IFTAP: variants seen among roughly 807,000 people sequenced by gnomAD.
The protein encoded by IFTAP is intraflagellar transport-associated protein.
In IFTAP, 19 loss-of-function variants were observed where a neutral mutation model predicts 19.4. The ratio of observed to expected loss-of-function variants is 0.98; its 90% CI spans 0.68 to 1.44. The LOEUF is 1.44. Among genes scored for constraint, IFTAP ranks in the 40% most tolerant of loss-of-function variants. The probability of loss-of-function intolerance (pLI) is 0.00; values close to 1 mark genes in which losing one functional copy is unlikely to be tolerated. For synonymous variants in IFTAP, 85 were observed against 83.5 expected (o/e 1.02, Z -0.10); for missense variants, 240 against 253.6 (o/e 0.95, Z 0.36).
intron 4 of IFTAP, among the ~76,000 whole-genome samples, chr11:36,645,399 G>A (rs975719106): frequency 6.6e-6 from 1 of 152,092 alleles, no homozygotes; most frequent in African/African-American, 2.4e-5. Flanking sequence ...AAGTGGCCCT[G>A]ATTCTATGAT....
chr11:36,600,119 G>C (rs1851451799), intron 1 of IFTAP, among the ~76,000 whole-genome samples: 2 of 152,198 alleles, frequency 1.3e-5, no homozygotes, highest in African/African-American at 4.8e-5. Flanking sequence ...GAGAGCATTA[G>C]ACTTACAGTG....
intron 5 of IFTAP, among the ~76,000 whole-genome samples, chr11:36,655,836 A>AT (rs1853960995): frequency 6.6e-6 from 1 of 152,188 alleles, no homozygotes; most frequent in Non-Finnish European, 1.5e-5. Context: ...AGGATATTAT[A>AT]AATGAATAAT....
At chr11:36,595,718 G>A (rs146084584) in intron 1 of IFTAP, among the ~76,000 whole-genome samples, 1,860 of 152,282 alleles carry the variant, frequency 0.012, 23 homozygotes, top group East Asian at 0.031. Flanking sequence ...TTGAATATAC[G>A]TAAAGTACTT....
At chr11:36,619,744 G>A (rs772395671) in intron 2 of IFTAP, among the ~76,000 whole-genome samples, 32 of 151,960 alleles carry the variant, frequency 2.1e-4, no homozygotes, top group Admixed American at 1.2e-3. Context: ...TTTCAGTGCC[G>A]TTGTTATCAG....
At chr11:36,612,006 T>A (rs1263045779) in intron 2 of IFTAP, among the ~76,000 whole-genome samples, 1 of 152,120 alleles carries the variant, frequency 6.6e-6, no homozygotes. Flanking sequence ...TCACATTATT[T>A]TGGAAATCAT....
At chr11:36,612,412 C>G (rs527885456) in intron 2 of IFTAP, among the ~76,000 whole-genome samples, 1 of 151,656 alleles carries the variant, frequency 6.6e-6, no homozygotes, top group Non-Finnish European at 1.5e-5. Flanking sequence ...TCCTTTTTTC[C>G]CTTTAAACAT....
intron 4 of IFTAP, among the ~76,000 whole-genome samples, chr11:36,644,524 G>A (rs1308451618): frequency 1.1e-4 from 16 of 151,938 alleles, no homozygotes; most frequent in East Asian, 3.9e-4. Context: ...ATTATAAATC[G>A]TGCTGCTATA....
rs547431417 is a variant in IFTAP, at chr11:36,625,794, G to A, written c.137-7490G>A. Among the ~76,000 whole-genome samples the A allele has an allele frequency of 9.1e-4, 138 of 152,300 alleles. 1 individual carries two copies. Among genetic ancestry groups the A allele is most frequent in the African/African-American group, 3.2e-3 (132 of 41,566 alleles). On this transcript the variant is annotated intron_variant, in intron 2 of 5. Coordinates refer to ENST00000334307, the MANE Select transcript of IFTAP (RefSeq NM_138787.4). ...GAGCACAGTATAGGGAATCATGAGT[G>A]CTGGCAGGAGGATTTAGGGTTGCAA...
chr11:36,654,240 C>G (rs1853872598), intron 5 of IFTAP, among the ~76,000 whole-genome samples: 1 of 152,166 alleles, frequency 6.6e-6, no homozygotes, highest in Admixed American at 6.6e-5. Context: ...TAATGGATCT[C>G]TCTACCGTGT....
chr11:36,598,732 A>G (rs184035420), intron 1 of IFTAP, among the ~76,000 whole-genome samples: 260 of 152,316 alleles, frequency 1.7e-3, no homozygotes, highest in Non-Finnish European at 3.1e-3. Context: ...TTTGGGGTCA[A>G]GCTCACCTGG....
At chr11:36,642,431 A>C (rs1853257839) in intron 4 of IFTAP, among the ~76,000 whole-genome samples, 1 of 152,198 alleles carries the variant, frequency 6.6e-6, no homozygotes, top group African/African-American at 2.4e-5. Flanking sequence ...CAGAGGTACG[A>C]GGAGGAGCTG....
intron 5 of IFTAP, among the ~76,000 whole-genome samples, chr11:36,653,164 A>G (rs1853820638): frequency 6.6e-6 from 1 of 152,148 alleles, no homozygotes; most frequent in Admixed American, 6.6e-5. Flanking sequence ...AAATGCTGCC[A>G]TTATTGATGT....
intron 5 of IFTAP, among the ~76,000 whole-genome samples, chr11:36,657,112 A>G (rs372520298): frequency 6.6e-6 from 1 of 152,152 alleles, no homozygotes; most frequent in South Asian, 2.1e-4. Context: ...GGGCAGCAAA[A>G]TTCCCATCAG....
At chr11:36,613,562 T>G (rs1391577364) in intron 2 of IFTAP, among the ~76,000 whole-genome samples, 1 of 152,040 alleles carries the variant, frequency 6.6e-6, no homozygotes, top group Non-Finnish European at 1.5e-5. Flanking sequence ...GCATGATAAG[T>G]ATCACAGTGG....
At chr11:36,610,480 AT>A (rs1851843585) in intron 2 of IFTAP, among the ~76,000 whole-genome samples, 1 of 152,190 alleles carries the variant, frequency 6.6e-6, no homozygotes, top group African/African-American at 2.4e-5. Context: ...ATAACTAAAA[AT>A]GACTTGAGAA....
At position 36,605,891 on chromosome 11, in the gene IFTAP, C is replaced by T. The variant is rs541688280; in HGVS notation, c.-23-4190C>T. Among the ~76,000 whole-genome samples, 7 of 152,248 alleles carry T rather than the reference C, an allele frequency of 4.6e-5. No homozygotes were observed. In the South Asian group the frequency reaches 1.5e-3, roughly 32 times the overall value. On this transcript the variant is annotated intron_variant, in intron 1 of 5. Coordinates refer to ENST00000334307, the MANE Select transcript of IFTAP (RefSeq NM_138787.4). ...TAGGCAAGTGTCTCTCTCTCTCTCC[C>T]CCTCTTTTTCTTTTAGAAAAATACT...
At chr11:36,599,726 C>T (rs1238955443) in intron 1 of IFTAP, among the ~76,000 whole-genome samples, 1 of 152,076 alleles carries the variant, frequency 6.6e-6, no homozygotes, top group South Asian at 2.1e-4. Flanking sequence ...AAAAAAGCAT[C>T]GTCATCTCTT....
intron 4 of IFTAP, among the ~76,000 whole-genome samples, chr11:36,644,422 A>G (rs192776620): frequency 2.0e-5 from 3 of 152,354 alleles, no homozygotes; most frequent in African/African-American, 7.2e-5. Flanking sequence ...TAGTTCAACT[A>G]TTGCGGAAGA....
chr11:36,615,757 C>T (rs980886957), intron 2 of IFTAP, among the ~76,000 whole-genome samples: 2 of 146,566 alleles, frequency 1.4e-5, no homozygotes, highest in East Asian at 2.0e-4. Context: ...GATTTTTGTA[C>T]ATTGATTTTG....
Sources: gnomAD v4.1 joint callset for allele counts (sites outside exome capture counted in the v4.1 genomes callset) on GRCh38, gnomAD v4.1.1 for gene constraint, MANE v1.5 for transcripts, NCBI Gene and HGNC (gene_info 2026-07-23, HGNC 2026-07-21) for gene names.